Variants in CNOT7 observed in about 807,000 individuals in gnomAD.
The protein encoded by CNOT7 is CCR4-NOT transcription complex subunit 7.
A neutral mutation model predicts 37.1 loss-of-function variants in CNOT7; 4 were observed. The observed-to-expected ratio is 0.11, with a 90% CI of 0.05 to 0.25. CNOT7 has a LOEUF of 0.25. Among genes scored for constraint, CNOT7 ranks in the 10% least tolerant of loss-of-function variants. CNOT7 has a pLI of 1.00. For synonymous variants in CNOT7, 128 were observed against 115.6 expected, an observed-to-expected ratio of 1.11 and a Z score of -0.69; for missense variants, 170 against 336.2, an observed-to-expected ratio of 0.51 and a Z score of 3.87.
chr8:17,234,632 A>C (rs780726908), intron 5 of CNOT7, 84 bp downstream of exon 5: 3 of 1,422,576 alleles, frequency 2.1e-6, no homozygotes, highest in Non-Finnish European at 3.0e-6. Flanking sequence ...ATATGGTTTA[A>C]AACAACATCC....
At chr8:17,231,296 C>CT (rs1296944192) in intron 6 of CNOT7, among the ~76,000 whole-genome samples, 1 of 152,096 alleles carries the variant, frequency 6.6e-6, no homozygotes, top group East Asian at 1.9e-4. Flanking sequence ...CATTCACACT[C>CT]TATTACTGTC....
chr8:17,240,557 G>A (rs1375762457), intron 3 of CNOT7, among the ~76,000 whole-genome samples: 8 of 152,142 alleles, frequency 5.3e-5, no homozygotes, highest in African/African-American at 1.9e-4. Flanking sequence ...TACTAAGAAA[G>A]CAGTTGTTAC....
At chr8:17,231,250 G>C (rs1170573678) in intron 6 of CNOT7, among the ~76,000 whole-genome samples, 4 of 152,046 alleles carry the variant, frequency 2.6e-5, no homozygotes, top group African/African-American at 9.7e-5. Flanking sequence ...GGCTATAAAT[G>C]ATCAAACCAT....
In CNOT7 at chr8:17,227,522, T is replaced by C. The variant is rs1363486285; in HGVS notation, c.*3198A>G. On this transcript the variant is annotated 3_prime_UTR_variant, in exon 7 of 7. Coordinates refer to ENST00000361272, the MANE Select transcript of CNOT7 (RefSeq NM_013354.7). ...GGTTGGTTACTATCTTCAAGCACGA[T>C]GTAATTCAGCATTAGTAAATGGTTT... The C allele has an allele frequency of 6.6e-6, 1 of 151,938 alleles. No individual in the cohort carries two copies. Among genetic ancestry groups the C allele is most frequent in the Non-Finnish European group, 1.5e-5 (1 of 67,816 alleles). The allele number at this position is 151,938 out of a possible 1,614,324, so 9.4% of individuals were successfully genotyped here.
chr8:17,230,976 CCTTT>C (rs1426722326), intron 6 of CNOT7, 128 bp from the exon 7 acceptor site: 1 of 623,218 alleles, frequency 1.6e-6, no homozygotes, highest in Non-Finnish European at 2.7e-6. Context: ...CTATGGTGTT[CCTTT>C]GAGGCTACGC....
In CNOT7 at chr8:17,228,298, A is replaced by G. The variant is rs73669041; in HGVS notation, c.*2422T>C. On this transcript the variant is annotated 3_prime_UTR_variant, in exon 7 of 7. Coordinates refer to ENST00000361272, the MANE Select transcript of CNOT7 (RefSeq NM_013354.7). ...AATGGCTCAGTAACACTAAAATATC[A>G]GCCAAATATCTTACATCTGGAACCT... 449 of 152,018 alleles carry G rather than the reference A, an allele frequency of 3.0e-3. 6 individuals carry two copies. Among genetic ancestry groups the G allele is most frequent in the African/African-American group, 0.01 (434 of 41,540 alleles). 9.4% of individuals were successfully genotyped at this position (152,018 alleles called of 1,614,324 possible). A position where few individuals can be genotyped will look rare whatever the true frequency, so the allele number is the denominator to read the frequency against.
At chr8:17,244,897 T>C in intron 2 of CNOT7, 139 bp downstream of exon 2, 2 of 690,640 alleles carry the variant, frequency 2.9e-6, no homozygotes, top group Non-Finnish European at 4.9e-6. Flanking sequence ...GGATTTTGGC[T>C]GGAGGGCAGT....
Position 17,226,336 on chromosome 8 carries a change from G to C in CNOT7, c.*4384C>G, listed in dbSNP as rs188521342. 1.2e-4 allele frequency: 18 copies of C among 151,464 alleles called. No homozygotes were observed. In the East Asian group the frequency reaches 1.4e-3, roughly 11 times the overall value. 9.4% of individuals were successfully genotyped at this position (151,464 alleles called of 1,614,324 possible). A position where few individuals can be genotyped will look rare whatever the true frequency, so the allele number is the denominator to read the frequency against. ...TAGAAAATGTTAATCTGTTAATGCT[G>C]ATGTGTAATGGGATTTCACGTATTT... On this transcript the variant is annotated 3_prime_UTR_variant, in exon 7 of 7. Transcript: ENST00000361272.
At chr8:17,234,555 A>C in intron 5 of CNOT7, 161 bp downstream of exon 5, 1 of 731,478 alleles carries the variant, frequency 1.4e-6, no homozygotes, top group African/African-American at 1.8e-5. Context: ...TTCCCTACAA[A>C]TTATGTATGC....
At chr8:17,244,331 C>T (rs918970105) in intron 2 of CNOT7, 8 of 152,364 alleles carry the variant, frequency 5.3e-5, no homozygotes, top group African/African-American at 1.9e-4. Context: ...ATTATGAAAA[C>T]AAATTGCAGA....
Position 17,226,930 on chromosome 8 carries a change from A to C in CNOT7, c.*3790T>G, listed in dbSNP as rs1430809633. 6.6e-6 allele frequency: 1 copy of C among 151,756 alleles called. No individual in the cohort carries two copies. The highest frequency in any genetic ancestry group is 2.4e-5 in the African/African-American group (1 of 41,402). 9.4% of individuals were successfully genotyped at this position (151,756 alleles called of 1,614,324 possible). A position where few individuals can be genotyped will look rare whatever the true frequency, so the allele number is the denominator to read the frequency against. On this transcript the variant is annotated 3_prime_UTR_variant, in exon 7 of 7. Coordinates refer to ENST00000361272, the MANE Select transcript of CNOT7 (RefSeq NM_013354.7). Reference sequence around the variant, plus strand: ...TCAATGTCAGCCCAGAGCCCAAAAAAATAAAAATAAATCTTTAGCACTGCT... The same window carrying C: ...TCAATGTCAGCCCAGAGCCCAAAAACATAAAAATAAATCTTTAGCACTGCT...
Position 17,226,497 on chromosome 8 carries a change from T to C in CNOT7, c.*4223A>G, listed in dbSNP as rs537389593. 9 of 151,892 alleles carry C rather than the reference T, an allele frequency of 5.9e-5. No homozygotes were observed. Among genetic ancestry groups the C allele is most frequent in the Admixed American group, 2.6e-4 (4 of 15,230 alleles). The allele number at this position is 151,892 out of a possible 1,614,324, so 9.4% of individuals were successfully genotyped here. On this transcript the variant is annotated 3_prime_UTR_variant, in exon 7 of 7. Coordinates refer to ENST00000361272, the MANE Select transcript of CNOT7 (RefSeq NM_013354.7). ...TTTGTAGGATTCATCTTTTTGGTAT[T>C]TGCCCTTTAGCATGTCATTCATTCA...
intron 6 of CNOT7, chr8:17,231,584 A>T: frequency 1.0e-6 from 1 of 985,192 alleles, no homozygotes; most frequent in Non-Finnish European, 1.2e-6. Flanking sequence ...TCTCAGTCTC[A>T]ATTTAATGTC....
chr8:17,228,383 TAA>T lies in CNOT7; in HGVS notation c.*2335_*2336del, dbSNP rs1449589933. ...ATAAAAAAGTAAAACTTAGACCCAG[TAA>T]AAGTCAAAATGTTCCTCTACAAAAG... On this transcript the variant is annotated 3_prime_UTR_variant, in exon 7 of 7. Coordinates refer to ENST00000361272, the MANE Select transcript of CNOT7 (RefSeq NM_013354.7). 6.6e-6 allele frequency: 1 copy of T among 151,914 alleles called. No individual in the cohort carries two copies. The highest frequency in any genetic ancestry group is 2.4e-5 in the African/African-American group (1 of 41,408). The allele number at this position is 151,914 out of a possible 1,614,324, so 9.4% of individuals were successfully genotyped here. A position where few individuals can be genotyped will look rare whatever the true frequency, so the allele number is the denominator to read the frequency against.
At chr8:17,244,254 G>A (rs1324480553) in intron 2 of CNOT7, 1 of 152,724 alleles carries the variant, frequency 6.5e-6, no homozygotes. Context: ...AATCTAGGCA[G>A]ACCAAACAGC....
intron 3 of CNOT7, among the ~76,000 whole-genome samples, chr8:17,240,162 G>C (rs1211809349): frequency 6.6e-6 from 1 of 152,026 alleles, no homozygotes; most frequent in African/African-American, 2.4e-5. Context: ...TCTATATTAG[G>C]CATTACTCGT....
At position 17,224,993 on chromosome 8, in the gene CNOT7, A is replaced by G. The variant is rs1224987455; in HGVS notation, c.*5727T>C. 1 of 151,772 alleles carries G rather than the reference A, an allele frequency of 6.6e-6. No homozygotes were observed. Among genetic ancestry groups the G allele is most frequent in the African/African-American group, 2.4e-5 (1 of 41,426 alleles). The allele number at this position is 151,772 out of a possible 1,614,324, so 9.4% of individuals were successfully genotyped here. ...GCTCAAGAACAAGTTTTTATTATGC[A>G]TGGGTTTCGCAGTGATACAAGACAC... On this transcript the variant is annotated 3_prime_UTR_variant, in exon 7 of 7. Coordinates refer to ENST00000361272, the MANE Select transcript of CNOT7 (RefSeq NM_013354.7).
In CNOT7 at chr8:17,228,557, A is replaced by G. The variant is rs1808309907; in HGVS notation, c.*2163T>C. 1 of 151,972 alleles carries G rather than the reference A, an allele frequency of 6.6e-6. No homozygotes were observed. The highest frequency in any genetic ancestry group is 1.5e-5 in the Non-Finnish European group (1 of 67,862). The allele number at this position is 151,972 out of a possible 1,614,324, so 9.4% of individuals were successfully genotyped here. On this transcript the variant is annotated 3_prime_UTR_variant, in exon 7 of 7. Transcript: ENST00000361272. ...CTTTGCAATGGTGCAAAAGCAATAC[A>G]CATTCAGTAGAAACTATAACCCCAT... is the stretch of plus-strand genomic sequence containing the variant.
At chr8:17,240,201 A>T (rs142562304) in intron 3 of CNOT7, among the ~76,000 whole-genome samples, 16 of 152,322 alleles carry the variant, frequency 1.1e-4, no homozygotes, top group Non-Finnish European at 4.4e-5. Context: ...CTTCTACCTA[A>T]TGTTTTTCAC....
Sources: gnomAD v4.1 joint callset for allele counts (sites outside exome capture counted in the v4.1 genomes callset) on GRCh38, gnomAD v4.1.1 for gene constraint, MANE v1.5 for transcripts, NCBI Gene and HGNC (gene_info 2026-07-23, HGNC 2026-07-21) for gene names.